The following PCDHA9 variants were observed in gnomAD, a reference collection of about 807,000 sequenced individuals.
PCDHA9 encodes protocadherin alpha-9.
PCDHA9 carries 62 observed loss-of-function variants against 62.0 expected under a neutral mutation model. The ratio of observed to expected loss-of-function variants is 1.00; its 90% CI spans 0.81 to 1.23. The LOEUF (loss-of-function observed/expected upper bound fraction) is 1.23, where lower values mean the gene tolerates loss of function less well. PCDHA9 is among the 50% of genes most tolerant of loss of function. PCDHA9 has a pLI of 0.00. For synonymous variants in PCDHA9, 557 were observed against 567.6 expected, an observed-to-expected ratio of 0.98 and a Z score of 0.27; for missense variants, 1,205 against 1,249.8, an observed-to-expected ratio of 0.96 and a Z score of 0.54.
chr5:140,996,848 G>A (rs560517454), intron 3 of PCDHA9, among the ~76,000 whole-genome samples: 1 of 152,254 alleles, frequency 6.6e-6, no homozygotes, highest in African/African-American at 2.4e-5. Flanking sequence ...TGCATCTTCA[G>A]AATTCTTTAT....
At chr5:140,918,940 A>G (rs541337613) in intron 1 of PCDHA9, among the ~76,000 whole-genome samples, 1 of 152,212 alleles carries the variant, frequency 6.6e-6, no homozygotes, top group Non-Finnish European at 1.5e-5. Context: ...TTTTGTTATA[A>G]TATCCTGAAC....
intron 1 of PCDHA9, chr5:140,857,554 G>A (rs782355772): frequency 1.3e-6 from 2 of 1,596,880 alleles, no homozygotes; most frequent in East Asian, 4.5e-5. Flanking sequence ...GCGAGCGCTC[G>A]CTGTCGAGCT....
At chr5:140,921,366 A>C (rs1415562044) in intron 1 of PCDHA9, among the ~76,000 whole-genome samples, 1 of 152,140 alleles carries the variant, frequency 6.6e-6, no homozygotes, top group African/African-American at 2.4e-5. Flanking sequence ...TTCAAGTTTC[A>C]TATTTCTACA....
intron 1 of PCDHA9, chr5:140,969,244 G>C: frequency 6.2e-7 from 1 of 1,614,206 alleles, no homozygotes; most frequent in Non-Finnish European, 8.5e-7. Flanking sequence ...AAGCAGCAGT[G>C]ACTGACAGCA....
In PCDHA9 at chr5:140,857,461, C is replaced by T. The variant is rs1554150068; in HGVS notation, c.2394+6572C>T. 9 of 1,598,524 alleles carry T rather than the reference C, an allele frequency of 5.6e-6. 1 individual carries two copies. Among genetic ancestry groups the T allele is most frequent in the Non-Finnish European group, 7.7e-6 (9 of 1,167,928 alleles). On this transcript the variant is annotated intron_variant, in intron 1 of 3. Transcript: ENST00000532602. ...TGAAGGAGAACAACCCGCCAGGCTG[C>T]CACATCTTCACGGTGTCTGCGTGGG...
Position 140,851,540 on chromosome 5 carries a change from T to C in PCDHA9, c.2394+651T>C, listed in dbSNP as rs374686932. 3.9e-5 allele frequency: 35 copies of C among 908,070 alleles called. 3 individuals carry two copies. The East Asian group carries it at 1.2e-3, about 30-fold the overall frequency. 56.3% of individuals were successfully genotyped at this position (908,070 alleles called of 1,614,324 possible). A position where few individuals can be genotyped will look rare whatever the true frequency, so the allele number is the denominator to read the frequency against. On this transcript the variant is annotated intron_variant, in intron 1 of 3. Coordinates refer to ENST00000532602, the MANE Select transcript of PCDHA9 (RefSeq NM_031857.2). ...TTAAAATGCCTGACAATGTAGATAA[T>C]TCAAGAAATGTTGACTGAAATTTTG...
chr5:140,920,747 G>A (rs565649077), intron 1 of PCDHA9, among the ~76,000 whole-genome samples: 10 of 152,052 alleles, frequency 6.6e-5, no homozygotes, highest in African/African-American at 2.4e-4. Context: ...AGGAGGCTGA[G>A]GCAGGAGAAT....
chr5:140,860,295 G>C (rs1358884678), intron 1 of PCDHA9: 2 of 151,884 alleles, frequency 1.3e-5, no homozygotes, highest in Non-Finnish European at 2.9e-5. Context: ...GTGGGAGGAC[G>C]GCTTGAGCCT....
chr5:140,860,155 A>G (rs1159738413), intron 1 of PCDHA9: 2 of 149,648 alleles, frequency 1.3e-5, no homozygotes, highest in African/African-American at 4.9e-5. Flanking sequence ...ATATATGTGT[A>G]TATATATATG....
intron 1 of PCDHA9, chr5:140,867,192 C>T (rs2049812222): frequency 1.3e-5 from 2 of 152,080 alleles, no homozygotes; most frequent in African/African-American, 4.8e-5. Flanking sequence ...CGCAAGACTC[C>T]ACATTCCATG....
At chr5:140,890,697 C>G (rs1479609896) in intron 1 of PCDHA9, among the ~76,000 whole-genome samples, 1 of 152,124 alleles carries the variant, frequency 6.6e-6, no homozygotes, top group Non-Finnish European at 1.5e-5. Context: ...ATGCAGGGAC[C>G]TTACATTTTT....
intron 1 of PCDHA9, among the ~76,000 whole-genome samples, chr5:140,943,674 A>G (rs1401531217): frequency 6.6e-6 from 1 of 152,240 alleles, no homozygotes; most frequent in Non-Finnish European, 1.5e-5. Context: ...TAAAGTGTGA[A>G]AAAAAGGGAT....
chr5:140,981,335 AG>A (rs2096927378), intron 2 of PCDHA9, among the ~76,000 whole-genome samples: 3 of 152,168 alleles, frequency 2.0e-5, no homozygotes, highest in Non-Finnish European at 4.4e-5. Context: ...GCACTTTGGG[AG>A]GGTGAGGCAG....
At chr5:140,941,196 TTTCTTC>T (rs1563183935) in intron 1 of PCDHA9, among the ~76,000 whole-genome samples, 3 of 111,280 alleles carry the variant, frequency 2.7e-5, no homozygotes, top group East Asian at 2.3e-4. Context: ...TTTTTTTTTC[TTTCTTC>T]CTTTCTTTCT....
At chr5:140,884,871 A>T (rs1193714340) in intron 1 of PCDHA9, among the ~76,000 whole-genome samples, 1 of 152,210 alleles carries the variant, frequency 6.6e-6, no homozygotes, top group Non-Finnish European at 1.5e-5. Context: ...CCATAATGAA[A>T]TGTGCAAAAC....
intron 3 of PCDHA9, among the ~76,000 whole-genome samples, chr5:141,004,093 C>T (rs1016954345): frequency 1.3e-5 from 2 of 152,164 alleles, no homozygotes; most frequent in African/African-American, 4.8e-5. Flanking sequence ...GTGCTTCTTC[C>T]GTTTTCATCT....
chr5:140,926,652 C>T, intron 1 of PCDHA9: 1 of 499,312 alleles, frequency 2.0e-6, no homozygotes, highest in East Asian at 3.6e-5. Flanking sequence ...CGGCCGGCTC[C>T]GCTTTCCCAG....
intron 3 of PCDHA9, among the ~76,000 whole-genome samples, chr5:140,987,213 C>CAA (rs58319157): frequency 8.4e-5 from 10 of 118,874 alleles, no homozygotes; most frequent in Non-Finnish European, 1.2e-4. Flanking sequence ...GACTCCATCT[C>CAA]AAAAAAAAAA....
intron 3 of PCDHA9, among the ~76,000 whole-genome samples, chr5:141,000,361 GTCTCTC>G (rs148596731): frequency 0.13 from 3,495 of 26,124 alleles, 319 homozygotes; most frequent in Middle Eastern, 0.15. Context: ...GTCTCTCTCT[GTCTCTC>G]TCTCTCTCTC....
Sources: allele counts gnomAD v4.1 joint callset (sites outside exome capture counted in the v4.1 genomes callset), GRCh38; gene constraint gnomAD v4.1.1; transcripts MANE v1.5; gene names NCBI Gene and HGNC (gene_info 2026-07-23, HGNC 2026-07-21).